Variants in TMEM117 observed in about 807,000 individuals in gnomAD.
TMEM117 encodes transmembrane protein 117.
Under a neutral mutation model 52.4 loss-of-function variants are expected in TMEM117, and 27 were observed. The ratio of observed to expected loss-of-function variants is 0.51; its 90% confidence interval spans 0.38 to 0.71. The LOEUF is 0.71. Among genes scored for constraint, TMEM117 ranks in the 30% least tolerant of loss-of-function variants. The pLI is 0.00. For synonymous variants in TMEM117, 215 were observed against 206.3 expected, an observed-to-expected ratio of 1.04 and a Z score of -0.36; for missense variants, 556 against 630.5, an observed-to-expected ratio of 0.88 and a Z score of 1.26.
intron 2 of TMEM117, among the ~76,000 whole-genome samples, chr12:43,906,035 A>G (rs763102526): frequency 3.3e-5 from 5 of 152,254 alleles, no homozygotes; most frequent in Non-Finnish European, 5.9e-5. Flanking sequence ...TTTGCTGTCA[A>G]TAATTTTCTA....
At chr12:44,216,907 TG>T (rs768869551) in intron 5 of TMEM117, among the ~76,000 whole-genome samples, 1 of 152,138 alleles carries the variant, frequency 6.6e-6, no homozygotes, top group Admixed American at 6.6e-5. Context: ...ACCAGTGTAA[TG>T]GTGTGGATGG....
chr12:43,865,494 T>C (rs928542786), intron 2 of TMEM117, among the ~76,000 whole-genome samples: 2 of 151,946 alleles, frequency 1.3e-5, no homozygotes, highest in African/African-American at 4.8e-5. Context: ...GTCAGGAGTT[T>C]GAGACCAGCC....
At chr12:44,073,110 A>C (rs1326454699) in intron 3 of TMEM117, among the ~76,000 whole-genome samples, 3 of 151,580 alleles carry the variant, frequency 2.0e-5, no homozygotes, top group Non-Finnish European at 4.4e-5. Flanking sequence ...AAAACAACAA[A>C]AAAACAACCC....
chr12:44,340,849 A>G (rs1040828209), intron 6 of TMEM117, among the ~76,000 whole-genome samples: 2 of 152,242 alleles, frequency 1.3e-5, no homozygotes, highest in African/African-American at 4.8e-5. Context: ...GTCCTGCTAC[A>G]TGCATAGTGC....
intron 5 of TMEM117, among the ~76,000 whole-genome samples, chr12:44,254,630 G>A (rs931741287): frequency 3.3e-5 from 5 of 151,564 alleles, no homozygotes; most frequent in South Asian, 2.1e-4. Context: ...TTCTAGGGGC[G>A]AGTCTTAAGA....
chr12:44,179,226 A>G (rs1949156766), intron 4 of TMEM117, among the ~76,000 whole-genome samples: 1 of 152,126 alleles, frequency 6.6e-6, no homozygotes, highest in Admixed American at 6.6e-5. Flanking sequence ...ATATATATAT[A>G]TACATAAAGG....
chr12:43,970,001 C>A (rs1034759528), intron 3 of TMEM117, among the ~76,000 whole-genome samples: 3 of 152,256 alleles, frequency 2.0e-5, no homozygotes, highest in Non-Finnish European at 4.4e-5. Flanking sequence ...ATGGAAAGTT[C>A]CATAAATGAA....
intron 3 of TMEM117, among the ~76,000 whole-genome samples, chr12:44,052,410 G>C (rs1163236702): frequency 6.6e-6 from 1 of 152,128 alleles, no homozygotes; most frequent in Non-Finnish European, 1.5e-5. Flanking sequence ...AAAGAACAAG[G>C]AGGGTAAGGA....
chr12:44,259,764 T>C (rs1950300155), intron 5 of TMEM117, among the ~76,000 whole-genome samples: 1 of 152,132 alleles, frequency 6.6e-6, no homozygotes, highest in Admixed American at 6.6e-5. Context: ...ATTATGTATT[T>C]GAATTAGAAA....
intron 2 of TMEM117, among the ~76,000 whole-genome samples, chr12:43,871,907 G>A (rs1007968828): frequency 1.3e-5 from 2 of 152,008 alleles, no homozygotes; most frequent in South Asian, 2.1e-4. Flanking sequence ...CAGTTTTCTG[G>A]GTGCTCTCTT....
the TMEM117 span, among the ~76,000 whole-genome samples, chr12:44,396,848 CAAAAA>C: frequency 1.5e-5 from 1 of 66,422 alleles, no homozygotes; most frequent in Admixed American, 1.7e-4. Flanking sequence ...AGTGAGACTC[CAAAAA>C]AAAAAAAAAA....
rs541291038 is a variant in TMEM117, at chr12:44,056,320, C to A, written c.411-87205C>A. Among the ~76,000 whole-genome samples the A allele has an allele frequency of 9.9e-5, 15 of 152,220 alleles. No individual in the cohort carries two copies. In the East Asian group the frequency reaches 2.9e-3, roughly 29 times the overall value. ...AATGTGCCACTGATGTTCTTCCCAG[C>A]ATCAGAGGATGAGGGACATTGACAC... On this transcript the variant is annotated intron_variant, in intron 3 of 7. Transcript: ENST00000266534.
chr12:44,226,005 A>G (rs1046401982), intron 5 of TMEM117, among the ~76,000 whole-genome samples: 13 of 152,194 alleles, frequency 8.5e-5, no homozygotes, highest in East Asian at 5.8e-4. Flanking sequence ...TCGCAAAAAC[A>G]GTTTTAAACA....
chr12:43,982,715 C>T, intron 3 of TMEM117, among the ~76,000 whole-genome samples: 1 of 152,138 alleles, frequency 6.6e-6, no homozygotes, highest in Non-Finnish European at 1.5e-5. Context: ...CACAATCTCT[C>T]CTGGGAGATA....
chr12:44,146,570 T>C (rs1251783894), intron 4 of TMEM117, among the ~76,000 whole-genome samples: 2 of 152,240 alleles, frequency 1.3e-5, no homozygotes, highest in Admixed American at 6.5e-5. Flanking sequence ...TTTTAAAATA[T>C]AGTCACACAG....
At chr12:44,321,704 G>A (rs752901258) in intron 6 of TMEM117, among the ~76,000 whole-genome samples, 2 of 152,062 alleles carry the variant, frequency 1.3e-5, no homozygotes, top group East Asian at 3.9e-4. Context: ...TATGCCTAAC[G>A]AAGTACAACT....
At chr12:44,342,867 G>A (rs1268092762) in intron 6 of TMEM117, among the ~76,000 whole-genome samples, 1 of 151,858 alleles carries the variant, frequency 6.6e-6, no homozygotes, top group Non-Finnish European at 1.5e-5. Flanking sequence ...AGAATGGTTT[G>A]TTTTTGTTTT....
intron 3 of TMEM117, among the ~76,000 whole-genome samples, chr12:44,051,998 A>T (rs987102807): frequency 6.6e-6 from 1 of 152,228 alleles, no homozygotes; most frequent in African/African-American, 2.4e-5. Context: ...AGTCATGTGC[A>T]ATATTGGTAA....
At chr12:43,877,255 G>C (rs1489573638) in intron 2 of TMEM117, among the ~76,000 whole-genome samples, 1 of 152,064 alleles carries the variant, frequency 6.6e-6, no homozygotes, top group East Asian at 1.9e-4. Context: ...TATGAACTTT[G>C]ATCTTCAATT....
Sources: gnomAD v4.1 joint callset for allele counts (sites outside exome capture counted in the v4.1 genomes callset) on GRCh38, gnomAD v4.1.1 for gene constraint, MANE v1.5 for transcripts, NCBI Gene and HGNC (gene_info 2026-07-23, HGNC 2026-07-21) for gene names.